Variants in TCF20 observed in about 807,000 individuals in gnomAD.
The protein encoded by TCF20 is SPRE-binding protein.
Under a neutral mutation model 148.6 loss-of-function variants are expected in TCF20, and 3 were observed. The observed-to-expected ratio is 0.02, with a 90% CI of 0.01 to 0.05. The LOEUF (loss-of-function observed/expected upper bound fraction) is 0.05, where lower values mean the gene tolerates loss of function less well. TCF20 is among the 10% of genes least tolerant of loss of function. TCF20 has a pLI of 1.00. For missense variants in TCF20, 2,350 were observed against 2,429.3 expected (o/e 0.97, Z 0.69); for synonymous variants, 1,049 against 909.5 (o/e 1.15, Z -2.76).
intron 2 of TCF20, among the ~76,000 whole-genome samples, chr22:42,192,018 T>C (rs1270269630): frequency 6.6e-6 from 1 of 152,206 alleles, no homozygotes; most frequent in Non-Finnish European, 1.5e-5. Context: ...GCTCAAACAG[T>C]GGATTAGCTT....
rs1328832522 is a variant in TCF20 at position 42,160,165 on chromosome 22, G to T, written c.*1238C>A. 4 of 152,418 alleles carry T rather than the reference G, an allele frequency of 2.6e-5. No homozygotes were observed. The highest frequency in any genetic ancestry group is 5.9e-5 in the Non-Finnish European group (4 of 68,012). The allele number at this position is 152,418 out of a possible 1,614,324, so 9.4% of individuals were successfully genotyped here. A position where few individuals can be genotyped will look rare whatever the true frequency, so the allele number is the denominator to read the frequency against. ...TAACCCCTTCTTAAGGCCATAACAAGATTTTTTTGTACTTTTTTCTTTTTT... is the reference window on the plus strand; with the variant it reads ...TAACCCCTTCTTAAGGCCATAACAATATTTTTTTGTACTTTTTTCTTTTTT... On this transcript the variant is annotated 3_prime_UTR_variant, in exon 6 of 6. Coordinates refer to ENST00000677622, the MANE Select transcript of TCF20 (RefSeq NM_001378418.1).
At chr22:42,241,304 T>G (rs1348637936) in intron 1 of TCF20, among the ~76,000 whole-genome samples, 1 of 152,130 alleles carries the variant, frequency 6.6e-6, no homozygotes, top group African/African-American at 2.4e-5. Flanking sequence ...GTACCATGAG[T>G]AAGAACCATG....
chr22:42,235,375 GAGA>G (rs1923795709), intron 1 of TCF20, among the ~76,000 whole-genome samples: 1 of 152,100 alleles, frequency 6.6e-6, no homozygotes, highest in Admixed American at 6.5e-5. Flanking sequence ...TAATATCAGG[GAGA>G]AGAACAAGGG....
At chr22:42,258,824 G>A (rs1925881427) in intron 1 of TCF20, among the ~76,000 whole-genome samples, 1 of 152,052 alleles carries the variant, frequency 6.6e-6, no homozygotes, top group Non-Finnish European at 1.5e-5. Flanking sequence ...GGACGGATGG[G>A]TTTATCAGGA....
intron 1 of TCF20, among the ~76,000 whole-genome samples, chr22:42,293,991 C>T (rs976857128): frequency 1.3e-5 from 2 of 152,218 alleles, no homozygotes; most frequent in African/African-American, 4.8e-5. Flanking sequence ...CAAAGGGAGA[C>T]TCCGTCTCAA....
intron 1 of TCF20, among the ~76,000 whole-genome samples, chr22:42,294,649 G>A (rs1382850765): frequency 6.6e-6 from 1 of 152,222 alleles, no homozygotes; most frequent in Non-Finnish European, 1.5e-5. Context: ...GGCCAGGCTA[G>A]GCTCCTGGCA....
At chr22:42,201,471 A>T (rs1400627001) in intron 2 of TCF20, among the ~76,000 whole-genome samples, 6 of 152,118 alleles carry the variant, frequency 3.9e-5, no homozygotes, top group Admixed American at 6.5e-5. Context: ...AAGTTTACTT[A>T]AAAAAACAAC....
At chr22:42,241,064 C>T (rs1924357404) in intron 1 of TCF20, among the ~76,000 whole-genome samples, 1 of 152,156 alleles carries the variant, frequency 6.6e-6, no homozygotes, top group Non-Finnish European at 1.5e-5. Context: ...CCATGTTGGC[C>T]AGGCTGGTCT....
At chr22:42,233,302 G>T (rs1022537613) in intron 1 of TCF20, among the ~76,000 whole-genome samples, 1 of 152,132 alleles carries the variant, frequency 6.6e-6, no homozygotes, top group African/African-American at 2.4e-5. Flanking sequence ...GGAAACAAAG[G>T]CTCAGAAAGT....
intron 2 of TCF20, among the ~76,000 whole-genome samples, chr22:42,196,399 T>C (rs2066981095): frequency 1.3e-5 from 2 of 152,194 alleles, no homozygotes; most frequent in Non-Finnish European, 2.9e-5. Flanking sequence ...AGCAAACAAA[T>C]ACATTTCATT....
chr22:42,163,414 G>A (rs1935583709), intron 5 of TCF20, among the ~76,000 whole-genome samples: 1 of 152,202 alleles, frequency 6.6e-6, no homozygotes, highest in Non-Finnish European at 1.5e-5. Context: ...TGAATGTAAT[G>A]GGACCCTAAC....
chr22:42,325,178 TC>T (rs1476639157), intron 1 of TCF20, among the ~76,000 whole-genome samples: 1 of 152,200 alleles, frequency 6.6e-6, no homozygotes, highest in Non-Finnish European at 1.5e-5. Context: ...CCTCTGGGCC[TC>T]CTCCCGACTG....
upstream of TCF20, among the ~76,000 whole-genome samples, chr22:42,285,103 CT>C (rs1927002966): frequency 6.6e-6 from 1 of 152,250 alleles, no homozygotes; most frequent in Admixed American, 6.5e-5. This position sits in a 1 kb window ranked among gnomAD's most constrained non-coding sequence, Gnocchi z 4.2. Flanking sequence ...CCTGAGGCCC[CT>C]GGCCCAGGGC....
intron 1 of TCF20, among the ~76,000 whole-genome samples, chr22:42,233,182 A>G (rs1923588554): frequency 6.6e-6 from 1 of 152,180 alleles, no homozygotes; most frequent in South Asian, 2.1e-4. Context: ...TCGGCCTCCC[A>G]AAGTGCTAGG....
At chr22:42,339,420 A>G (rs1256428820) in intron 1 of TCF20, among the ~76,000 whole-genome samples, 1 of 152,052 alleles carries the variant, frequency 6.6e-6, no homozygotes, top group Admixed American at 6.5e-5. Flanking sequence ...GGTACCTGGT[A>G]CCCCCTGGCT....
At chr22:42,216,290 C>T (rs17386314) in intron 1 of TCF20, among the ~76,000 whole-genome samples, 4,779 of 151,870 alleles carry the variant, frequency 0.031, 169 homozygotes, top group Admixed American at 0.12. Flanking sequence ...CACTGAACTG[C>T]GGGTTTTAAC....
intron 2 of TCF20, among the ~76,000 whole-genome samples, chr22:42,197,535 G>T (rs1351910392): frequency 6.6e-6 from 1 of 152,034 alleles, no homozygotes; most frequent in Non-Finnish European, 1.5e-5. Context: ...TGTTAGCCAG[G>T]ATGGTCTCGA....
intron 1 of TCF20, among the ~76,000 whole-genome samples, chr22:42,314,162 A>G (rs1297930740): frequency 6.6e-6 from 1 of 152,226 alleles, no homozygotes; most frequent in African/African-American, 2.4e-5. Flanking sequence ...ACTCCAGGGC[A>G]GAGAGAAGAC....
chr22:42,270,285 C>T (rs932969201), intron 1 of TCF20, among the ~76,000 whole-genome samples, 54 bp downstream of exon 1: 1 of 152,008 alleles, frequency 6.6e-6, no homozygotes, highest in Admixed American at 6.5e-5. Context: ...CGGCCCGGCC[C>T]CAGTCCTTCA....
Sources: gnomAD v4.1 joint callset for allele counts (sites outside exome capture counted in the v4.1 genomes callset) on GRCh38, gnomAD v4.1.1 for gene constraint, Gnocchi (gnomAD v3.1) non-coding constraint, MANE v1.5 for transcripts, NCBI Gene and HGNC (gene_info 2026-07-23, HGNC 2026-07-21) for gene names.